Variants in LYST observed in about 807,000 individuals in gnomAD.
LYST encodes the protein lysosomal trafficking regulator.
LYST carries 192 observed loss-of-function variants against 413.6 expected under a neutral mutation model. That is an observed-to-expected ratio of 0.46 (90% confidence interval 0.41 to 0.52). LYST has a LOEUF of 0.52. LYST is among the 20% of genes least tolerant of loss of function. The probability of loss-of-function intolerance (pLI) is 0.00; values close to 1 mark genes in which losing one functional copy is unlikely to be tolerated. For synonymous variants in LYST, 1,525 were observed against 1,567.3 expected (o/e 0.97, Z 0.64); for missense variants, 3,815 against 4,499.9 (o/e 0.85, Z 4.35).
chr1:235,763,594 G>A (rs1395642700), intron 21 of LYST, among the ~76,000 whole-genome samples: 1 of 151,922 alleles, frequency 6.6e-6, no homozygotes. Context: ...GGGATTACAG[G>A]CATGTGCCAC....
chr1:235,675,712 G>C (rs919314123), intron 50 of LYST, among the ~76,000 whole-genome samples: 1 of 152,156 alleles, frequency 6.6e-6, no homozygotes, highest in Non-Finnish European at 1.5e-5. Context: ...ATAAATGATA[G>C]TTGTTAAGTA....
rs116664117 is a variant in LYST at position 235,670,662 on chromosome 1, C to T, written c.11039-6041G>A. Among the ~76,000 whole-genome samples, 643 of 152,200 alleles carry T rather than the reference C, an allele frequency of 4.2e-3. 8 individuals carry two copies. The highest frequency in any genetic ancestry group is 0.03 in the Admixed American group (460 of 15,288). ...GTGCACAGACCAAGGTAAGAAAAGC[C>T]GCAGGGGCAGTGAAGTACTTCTTTG... On this transcript the variant is annotated intron_variant, in intron 50 of 52. Coordinates refer to ENST00000389793, the MANE Select transcript of LYST (RefSeq NM_000081.4).
chr1:235,817,389 A>G (rs1674274316), intron 3 of LYST, among the ~76,000 whole-genome samples: 1 of 152,244 alleles, frequency 6.6e-6, no homozygotes, highest in African/African-American at 2.4e-5. Flanking sequence ...ACCCAAAGGA[A>G]TATAAACCAT....
Position 235,720,707 on chromosome 1 carries a change from C to T in LYST, c.9514G>A (p.Asp3172Asn), listed in dbSNP as rs776015420. 5 of 1,613,610 alleles carry T rather than the reference C, an allele frequency of 3.1e-6. No homozygotes were observed. The East Asian group carries it at 1.1e-4, about 36-fold the overall frequency. ...AGGTCAAGTGTCTCACTAACGTAGTCAGCAAGTATAAATGGGAACACAGGA... is the reference window on the plus strand; with the variant it reads ...AGGTCAAGTGTCTCACTAACGTAGTTAGCAAGTATAAATGGGAACACAGGA... The part of the protein sequence containing the change: ...QYPVFPFILA[D>N]YVSETLDLND... Residue 3172 changes from aspartate to asparagine, a missense_variant, in exon 40 of 53, where the codon GAC (aspartate) becomes AAC (asparagine). Coordinates refer to ENST00000389793, the MANE Select transcript of LYST (RefSeq NM_000081.4).
chr1:235,836,924 T>C (rs536910320), intron 1 of LYST, among the ~76,000 whole-genome samples: 1 of 152,368 alleles, frequency 6.6e-6, no homozygotes, highest in Admixed American at 6.5e-5. Flanking sequence ...AAGCTGGAAC[T>C]AGTGAATCAA....
Position 235,674,848 on chromosome 1 carries a change from A to C in LYST, c.11038+2243T>G, listed in dbSNP as rs139529757. ...AATAAATTAGCCGAAAAGTCATAGAAAAATGGTTTAGAAAATAGAAAGGAC... is the reference window on the plus strand; with the variant it reads ...AATAAATTAGCCGAAAAGTCATAGACAAATGGTTTAGAAAATAGAAAGGAC... On this transcript the variant is annotated intron_variant, in intron 50 of 52. Coordinates refer to ENST00000389793, the MANE Select transcript of LYST (RefSeq NM_000081.4). The surrounding 1 kb of genome is among the most constrained non-coding windows in gnomAD (Gnocchi z 4.1). 7.4e-3 allele frequency among the ~76,000 whole-genome samples: 1,127 copies of C among 152,316 alleles called. 15 individuals are homozygous for C. The highest frequency in any genetic ancestry group is 0.025 in the African/African-American group (1,049 of 41,568).
intron 36 of LYST, among the ~76,000 whole-genome samples, chr1:235,730,239 G>A (rs1664244373): frequency 6.6e-6 from 1 of 151,920 alleles, no homozygotes; most frequent in Non-Finnish European, 1.5e-5. Context: ...TAACTGCAAT[G>A]ATAATACTAT....
intron 47 of LYST, among the ~76,000 whole-genome samples, chr1:235,690,743 C>T (rs1660577788): frequency 6.6e-6 from 1 of 152,078 alleles, no homozygotes; most frequent in Non-Finnish European, 1.5e-5. Flanking sequence ...CATTTTAGGA[C>T]ACATGATAAG....
intron 48 of LYST, among the ~76,000 whole-genome samples, chr1:235,685,855 CAAA>C (rs533623866): frequency 0.091 from 11,641 of 128,378 alleles, 1,484 homozygotes; most frequent in African/African-American, 0.3. Context: ...TAAAACAAAA[CAAA>C]AAAAAAAAAA....
chr1:235,738,824 C>A (rs111967867), intron 31 of LYST: 8 of 792,254 alleles, frequency 1.0e-5, no homozygotes, highest in African/African-American at 8.4e-5. Context: ...CAATTTCCAC[C>A]ATGATTGGTG....
chr1:235,841,251 G>C (rs1251787677), intron 1 of LYST, among the ~76,000 whole-genome samples: 2 of 152,252 alleles, frequency 1.3e-5, no homozygotes, highest in East Asian at 3.8e-4. Context: ...CTCCTGAGAA[G>C]GCAGGATTAG....
chr1:235,691,061 C>T lies in LYST; in HGVS notation c.10701+2289G>A, dbSNP rs866258511. Among the ~76,000 whole-genome samples, 17 of 152,092 alleles carry T rather than the reference C, an allele frequency of 1.1e-4. No individual in the cohort carries two copies. In the East Asian group the frequency reaches 1.5e-3, roughly 14 times the overall value. Reference sequence around the variant, plus strand: ...CCTCCCGAGTAGCTGGGACTACAGGCGCCCGCCACCACGCCCAGCTAATTT... The same window carrying T: ...CCTCCCGAGTAGCTGGGACTACAGGTGCCCGCCACCACGCCCAGCTAATTT... On this transcript the variant is annotated intron_variant, in intron 47 of 52. Coordinates refer to ENST00000389793, the MANE Select transcript of LYST (RefSeq NM_000081.4).
At chr1:235,718,199 T>A (rs1008575492) in intron 40 of LYST, among the ~76,000 whole-genome samples, 24 of 151,710 alleles carry the variant, frequency 1.6e-4, no homozygotes, top group African/African-American at 5.8e-4. Flanking sequence ...TAGGGGTTTT[T>A]TTTTTTGGAC....
intron 18 of LYST, 84 bp from the exon 19 acceptor site, chr1:235,774,075 A>G (rs1352663009): frequency 1.1e-6 from 1 of 909,162 alleles, no homozygotes; most frequent in Non-Finnish European, 1.8e-6. Flanking sequence ...TTTCAATTTT[A>G]GCAATCATTA....
chr1:235,696,426 T>C (rs936773542), intron 46 of LYST, among the ~76,000 whole-genome samples: 2 of 152,188 alleles, frequency 1.3e-5, no homozygotes, highest in African/African-American at 2.4e-5. Context: ...AACAGATGAG[T>C]GCCCTAGGTC....
At position 235,686,888 on chromosome 1, in the gene LYST, A is replaced by G. The variant is rs1660262528; in HGVS notation, c.10800+61T>C. ...TATGCAAAGTGAATTATACTTCATA[A>G]AGGCTTTCTTCCCCTCATTGACAAA... On this transcript the variant is annotated intron_variant, in intron 48 of 52. Transcript: ENST00000389793. The surrounding 1 kb of genome is among the most constrained non-coding windows in gnomAD (Gnocchi z 4.0). 1 of 1,193,446 alleles carries G rather than the reference A, an allele frequency of 8.4e-7. No individual in the cohort carries two copies. The highest frequency in any genetic ancestry group is 1.5e-5 in the African/African-American group (1 of 66,924). 73.9% of individuals were successfully genotyped at this position (1,193,446 alleles called of 1,614,324 possible).
chr1:235,711,984 T>C, intron 43 of LYST, 73 bp downstream of exon 43: 2 of 1,295,270 alleles, frequency 1.5e-6, no homozygotes, highest in South Asian at 3.1e-5. Flanking sequence ...AAAAAGCTAT[T>C]TTCATTTTTG....
At chr1:235,810,650 T>C in intron 4 of LYST, 116 bp from the exon 5 acceptor site, 1 of 933,428 alleles carries the variant, frequency 1.1e-6, no homozygotes, top group Non-Finnish European at 1.6e-6. Flanking sequence ...CCTCAATGTA[T>C]TTTGCTGCAG....
At chr1:235,712,603 A>G (rs1262549999) in intron 42 of LYST, 6 of 984,486 alleles carry the variant, frequency 6.1e-6, no homozygotes, top group Non-Finnish European at 6.0e-6. Context: ...CAAGTAGGCA[A>G]ACAGTTTTTT....
Sources: gnomAD v4.1 joint callset for allele counts (sites outside exome capture counted in the v4.1 genomes callset) on GRCh38, gnomAD v4.1.1 for gene constraint, Gnocchi (gnomAD v3.1) non-coding constraint, MANE v1.5 for transcripts, NCBI Gene and HGNC (gene_info 2026-07-23, HGNC 2026-07-21) for gene names.